The following MCC variants were observed in gnomAD, a reference collection of about 807,000 sequenced individuals.
MCC encodes colorectal mutant cancer protein.
MCC carries 90 observed loss-of-function variants against 116.2 expected under a neutral mutation model. That is an observed-to-expected ratio of 0.77 (90% CI 0.65 to 0.92). MCC has a LOEUF of 0.92. MCC is among the 40% of genes least tolerant of loss of function. The pLI is 0.00. For synonymous variants in MCC, 578 were observed against 510.5 expected (o/e 1.13, Z -1.78); for missense variants, 1,516 against 1,312.2 (o/e 1.16, Z -2.40).
intron 2 of MCC, among the ~76,000 whole-genome samples, chr5:113,380,756 T>C (rs1215672049): frequency 6.6e-6 from 1 of 152,154 alleles, no homozygotes; most frequent in Non-Finnish European, 1.5e-5. Flanking sequence ...CTGCTTGAGC[T>C]TGGAAAGGCC....
intron 3 of MCC, among the ~76,000 whole-genome samples, chr5:113,171,687 T>C (rs912284177): frequency 1.3e-5 from 2 of 152,082 alleles, no homozygotes; most frequent in Admixed American, 1.3e-4. Flanking sequence ...ACCCAGAACA[T>C]CTAATTGGTG....
intron 3 of MCC, among the ~76,000 whole-genome samples, chr5:113,211,794 G>C (rs1419841368): frequency 3.9e-5 from 6 of 152,174 alleles, no homozygotes; most frequent in African/African-American, 1.4e-4. Context: ...TTGGCTTAGA[G>C]GTTAGTTTTT....
chr5:113,027,216 T>TCCC lies in MCC; in HGVS notation c.*83_*85dup, dbSNP rs1174622782. ...CTGCCAGCCTTCCCTTTCCTCCTCCTCCCAACAAGTACATGGGCCCTTCTG... is the reference window on the plus strand; with the variant it reads ...CTGCCAGCCTTCCCTTTCCTCCTCCTCCCCCCAACAAGTACATGGGCCCTTCTG... On this transcript the variant is annotated 3_prime_UTR_variant, in exon 19 of 19. Coordinates refer to ENST00000408903, the MANE Select transcript of MCC (RefSeq NM_001085377.2). The TCCC allele has an allele frequency of 4.2e-6, 6 of 1,428,294 alleles. No individual in the cohort carries two copies. The African/African-American group carries it at 7.1e-5, about 17-fold the overall frequency. The allele number at this position is 1,428,294 out of a possible 1,614,324, so 88.5% of individuals were successfully genotyped here.
intron 17 of MCC, among the ~76,000 whole-genome samples, chr5:113,043,313 G>A (rs1458408095): frequency 6.6e-6 from 1 of 152,208 alleles, no homozygotes; most frequent in Non-Finnish European, 1.5e-5. Flanking sequence ...ATTCACTGAT[G>A]AATCAATGAC....
intron 3 of MCC, among the ~76,000 whole-genome samples, chr5:113,261,326 T>C (rs1765211577): frequency 6.6e-6 from 1 of 152,178 alleles, no homozygotes; most frequent in African/African-American, 2.4e-5. Context: ...GTACTCAAAA[T>C]ACGATTTCTA....
rs1220871852 is a variant in MCC, at chr5:113,122,800, C to A, written c.911G>T (p.Arg304Leu). The A allele has an allele frequency of 4.3e-6, 7 of 1,614,062 alleles. No individual in the cohort carries two copies. The highest frequency in any genetic ancestry group is 1.7e-5 in the Admixed American group (1 of 60,018). ...GTGTTGGCTCTGGCTGAGTTCTGAT[C>A]GCAGTTCTGAGTACTCATCTTCCTC... is the stretch of plus-strand genomic sequence containing the variant. Reference protein sequence around the residue: ...IREEDEYSELRSELSQSQHEV... With the variant: ...IREEDEYSELLSELSQSQHEV... Residue 304 changes from arginine (R) to leucine (L), a missense_variant, in exon 6 of 19, where the codon CGA becomes CTA. Coordinates refer to ENST00000408903, the MANE Select transcript of MCC (RefSeq NM_001085377.2).
chr5:113,467,587 C>A (rs965519777), intron 1 of MCC, among the ~76,000 whole-genome samples: 6 of 152,180 alleles, frequency 3.9e-5, no homozygotes, highest in African/African-American at 1.4e-4. Flanking sequence ...GTTACTGTAG[C>A]CTTGTAGTAT....
intron 8 of MCC, among the ~76,000 whole-genome samples, chr5:113,086,908 G>C (rs1274714762): frequency 6.6e-6 from 1 of 152,224 alleles, no homozygotes; most frequent in African/African-American, 2.4e-5. Context: ...ATTTAGCAGG[G>C]TCTGGATGAA....
At chr5:113,141,108 A>G (rs1237537951) in intron 5 of MCC, among the ~76,000 whole-genome samples, 1 of 152,170 alleles carries the variant, frequency 6.6e-6, no homozygotes. Flanking sequence ...AAGAGAAAAG[A>G]CAAATTCACT....
chr5:113,248,066 G>C (rs1764642739), intron 3 of MCC, among the ~76,000 whole-genome samples: 2 of 151,994 alleles, frequency 1.3e-5, no homozygotes, highest in African/African-American at 2.4e-5. Context: ...GAAGGGGGCA[G>C]AGAAGGAAAA....
At chr5:113,332,448 G>T (rs1424388290) in intron 3 of MCC, among the ~76,000 whole-genome samples, 1 of 150,874 alleles carries the variant, frequency 6.6e-6, no homozygotes, top group East Asian at 1.9e-4. Context: ...AGTGACTTAC[G>T]CCTATAATCC....
At chr5:113,458,568 TA>T (rs1170365454) in intron 1 of MCC, among the ~76,000 whole-genome samples, 1 of 152,188 alleles carries the variant, frequency 6.6e-6, no homozygotes, top group Non-Finnish European at 1.5e-5. Context: ...TTCCCAGATG[TA>T]AAAATGATGC....
Position 113,026,474 on chromosome 5 carries a change from A to G in MCC, c.*828T>C, listed in dbSNP as rs1220204905. 4.6e-5 allele frequency: 7 copies of G among 152,260 alleles called. No homozygotes were observed. Among genetic ancestry groups the G allele is most frequent in the African/African-American group, 7.2e-5 (3 of 41,470 alleles). The allele number at this position is 152,260 out of a possible 1,614,324, so 9.4% of individuals were successfully genotyped here. ...CTCAGCTCTTGAAGAAACCCCTGACAGAATTTTAGTTCCACTACAGGTATC... is the reference window on the plus strand; with the variant it reads ...CTCAGCTCTTGAAGAAACCCCTGACGGAATTTTAGTTCCACTACAGGTATC... On this transcript the variant is annotated 3_prime_UTR_variant, in exon 19 of 19. Transcript: ENST00000408903.
intron 3 of MCC, among the ~76,000 whole-genome samples, chr5:113,197,386 G>C (rs747789055): frequency 6.6e-6 from 1 of 152,098 alleles, no homozygotes; most frequent in African/African-American, 2.4e-5. Context: ...TATGGTTATG[G>C]GGTTTCTTTT....
chr5:113,348,094 G>C (rs952312007), intron 2 of MCC, among the ~76,000 whole-genome samples: 2 of 151,996 alleles, frequency 1.3e-5, no homozygotes, highest in Non-Finnish European at 2.9e-5. Flanking sequence ...AAGAGAGAGA[G>C]AGATCTCAAT....
At chr5:113,100,464 CTTTTTTTTT>C (rs10649958) in intron 8 of MCC, among the ~76,000 whole-genome samples, 19 of 78,846 alleles carry the variant, frequency 2.4e-4, no homozygotes, top group Admixed American at 6.1e-4. Context: ...GTATTTTTCC[CTTTTTTTTT>C]TTTTTTTTTT....
chr5:113,073,944 C>T (rs1303800613), intron 11 of MCC, among the ~76,000 whole-genome samples: 4 of 152,224 alleles, frequency 2.6e-5, no homozygotes, highest in South Asian at 2.1e-4. Context: ...TAGACTCCAC[C>T]GCTGGGGGCA....
At chr5:113,114,481 C>CCAGGGCAAGGT (rs1561365065) in intron 6 of MCC, among the ~76,000 whole-genome samples, 3 of 151,970 alleles carry the variant, frequency 2.0e-5, no homozygotes, top group African/African-American at 7.2e-5. Flanking sequence ...CCTGGCGAAG[C>CCAGGGCAAGGT]CCCACCCTGA....
chr5:113,134,077 T>C (rs1351000422), intron 5 of MCC, among the ~76,000 whole-genome samples: 1 of 152,250 alleles, frequency 6.6e-6, no homozygotes, highest in African/African-American at 2.4e-5. Flanking sequence ...CTTTTTAGTT[T>C]GATGTAATCC....
Sources: allele counts gnomAD v4.1 joint callset (sites outside exome capture counted in the v4.1 genomes callset), GRCh38; gene constraint gnomAD v4.1.1; transcripts MANE v1.5; gene names NCBI Gene and HGNC (gene_info 2026-07-23, HGNC 2026-07-21).